Variants in MSRB3 observed in about 807,000 individuals in gnomAD.
The protein encoded by MSRB3 is methionine sulfoxide reductase B3.
In MSRB3, 13 loss-of-function variants were observed where a neutral mutation model predicts 21.0. The ratio of observed to expected loss-of-function variants is 0.62; its 90% CI spans 0.40 to 0.98. The LOEUF (loss-of-function observed/expected upper bound fraction) is 0.98, where lower values mean the gene tolerates loss of function less well. Among genes scored for constraint, MSRB3 ranks in the 50% least tolerant of loss-of-function variants. MSRB3 has a pLI of 0.00. For synonymous variants in MSRB3, 87 were observed against 88.6 expected, an observed-to-expected ratio of 0.98 and a Z score of 0.10; for missense variants, 199 against 230.3, an observed-to-expected ratio of 0.86 and a Z score of 0.88.
chr12:65,324,612 C>T (rs539149829), intron 2 of MSRB3, among the ~76,000 whole-genome samples: 10 of 152,182 alleles, frequency 6.6e-5, no homozygotes, highest in African/African-American at 7.2e-5. Flanking sequence ...TACTGACCAA[C>T]GGTTTTATTC....
At position 65,428,246 on chromosome 12, in the gene MSRB3, T is replaced by C. The variant is rs546197696; in HGVS notation, c.293-25482T>C. On this transcript the variant is annotated intron_variant, in intron 5 of 6. Coordinates refer to ENST00000308259, the MANE Select transcript of MSRB3 (RefSeq NM_001031679.3). ...AGACAACCTCTGCTATTCTTCTTTGTTCTGGGCAATATCCTGGCATCTCAG... is the reference window on the plus strand; with the variant it reads ...AGACAACCTCTGCTATTCTTCTTTGCTCTGGGCAATATCCTGGCATCTCAG... 1.1e-4 allele frequency among the ~76,000 whole-genome samples: 17 copies of C among 152,322 alleles called. No homozygotes were observed. In the East Asian group the frequency reaches 3.3e-3, roughly 29 times the overall value.
chr12:65,463,809 G>C lies in MSRB3; in HGVS notation c.*487G>C, dbSNP rs1298326133. On this transcript the variant is annotated 3_prime_UTR_variant, in exon 7 of 7. Coordinates refer to ENST00000308259, the MANE Select transcript of MSRB3 (RefSeq NM_001031679.3). ...TGTTTTAATGAGACTGTTCAGCTTT[G>C]TGGAAAGTTTGAGCTAAGGTCATTT... 1 of 155,424 alleles carries C rather than the reference G, an allele frequency of 6.4e-6. No individual in the cohort carries two copies. The highest frequency in any genetic ancestry group is 2.5e-5 in the African/African-American group (1 of 40,136). 9.6% of individuals were successfully genotyped at this position (155,424 alleles called of 1,614,324 possible).
intron 5 of MSRB3, among the ~76,000 whole-genome samples, chr12:65,449,286 C>T (rs760027112): frequency 5.9e-5 from 9 of 151,754 alleles, no homozygotes; most frequent in Non-Finnish European, 1.0e-4. Context: ...ATCCACCCCC[C>T]CAGAGTGAAT....
intron 4 of MSRB3, among the ~76,000 whole-genome samples, chr12:65,366,814 T>G (rs1198981063): frequency 1.3e-5 from 2 of 152,172 alleles, no homozygotes; most frequent in African/African-American, 4.8e-5. Flanking sequence ...TAGGCCCCAC[T>G]TACTGAATCA....
chr12:65,354,419 G>A (rs557581722), intron 4 of MSRB3, among the ~76,000 whole-genome samples: 9 of 151,952 alleles, frequency 5.9e-5, no homozygotes, highest in East Asian at 1.9e-4. Flanking sequence ...GGCTTTGTTC[G>A]TTTCTTTTTA....
chr12:65,359,915 A>G (rs190231868), intron 4 of MSRB3, among the ~76,000 whole-genome samples: 3 of 152,182 alleles, frequency 2.0e-5, no homozygotes, highest in Non-Finnish European at 2.9e-5. Flanking sequence ...GACTGCCATA[A>G]CAAAGTATCA....
At chr12:65,297,833 T>TTGGAGGCAGA (rs1565820138) in intron 1 of MSRB3, among the ~76,000 whole-genome samples, 1 of 152,000 alleles carries the variant, frequency 6.6e-6, no homozygotes, top group Non-Finnish European at 1.5e-5. Flanking sequence ...GAAAGACCAA[T>TTGGAGGCAGA]AAGAGGCCAT....
In MSRB3 at chr12:65,278,817, C is replaced by CTCTGCG. The variant is rs1565810968; in HGVS notation, c.-95_-94insGTCTGC. The CTCTGCG allele has an allele frequency of 1.3e-6, 2 of 1,565,258 alleles. No homozygotes were observed. The highest frequency in any genetic ancestry group is 4.7e-5 in the East Asian group (2 of 42,174). ...GCGCCCCCTCTCGCTCTGCCTCTCC[C>CTCTGCG]TCTGCCTCTGCCTCTGCCTGGCCGC... On this transcript the variant is annotated 5_prime_UTR_variant, in exon 1 of 7. Transcript: ENST00000308259.
chr12:65,301,963 AT>A (rs1269126502), intron 1 of MSRB3, among the ~76,000 whole-genome samples: 1 of 152,066 alleles, frequency 6.6e-6, no homozygotes, highest in East Asian at 1.9e-4. Context: ...TTATACATAT[AT>A]TTTTATTTTG....
At chr12:65,400,610 T>C (rs1880073417) in intron 5 of MSRB3, among the ~76,000 whole-genome samples, 1 of 152,228 alleles carries the variant, frequency 6.6e-6, no homozygotes, top group Non-Finnish European at 1.5e-5. Flanking sequence ...CTTTATCTCC[T>C]TCAGTTCTGC....
chr12:65,435,367 G>A (rs902165176), intron 5 of MSRB3, among the ~76,000 whole-genome samples: 5 of 151,846 alleles, frequency 3.3e-5, no homozygotes, highest in South Asian at 4.1e-4. Flanking sequence ...GCCAGGCTAC[G>A]TAATCCTAGT....
chr12:65,341,774 C>T (rs1436139249), intron 4 of MSRB3, among the ~76,000 whole-genome samples: 1 of 151,774 alleles, frequency 6.6e-6, no homozygotes, highest in Non-Finnish European at 1.5e-5. Flanking sequence ...ATATGTTGAA[C>T]AAGTAACATG....
intron 5 of MSRB3, among the ~76,000 whole-genome samples, chr12:65,406,843 A>G (rs1880440250): frequency 6.6e-6 from 1 of 152,150 alleles, no homozygotes; most frequent in Admixed American, 6.5e-5. Context: ...ATTAGAGGGA[A>G]CTAGCTAGGT....
At chr12:65,438,897 A>G (rs912888857) in intron 5 of MSRB3, among the ~76,000 whole-genome samples, 3 of 151,868 alleles carry the variant, frequency 2.0e-5, no homozygotes, top group Non-Finnish European at 4.4e-5. Flanking sequence ...TGAATAGCAG[A>G]AAAAGGGGGA....
intron 5 of MSRB3, among the ~76,000 whole-genome samples, chr12:65,414,913 T>G (rs1042124445): frequency 6.6e-6 from 1 of 151,944 alleles, no homozygotes; most frequent in African/African-American, 2.4e-5. Context: ...AATTTAGAGG[T>G]GCTTATAAGT....
rs975706096 is a variant in MSRB3 at position 65,373,773 on chromosome 12, G to T, written c.292+4747G>T. 3.9e-5 allele frequency among the ~76,000 whole-genome samples: 6 copies of T among 152,262 alleles called. No individual in the cohort carries two copies. The East Asian group carries it at 9.6e-4, about 24-fold the overall frequency. On this transcript the variant is annotated intron_variant, in intron 5 of 6. Transcript: ENST00000308259. ...TGTAGAAGGTTAGGAGATCCTAAAA[G>T]ACATGATTATAAAAGGCACAACAGA...
At chr12:65,430,191 T>G (rs1881809667) in intron 5 of MSRB3, among the ~76,000 whole-genome samples, 1 of 152,186 alleles carries the variant, frequency 6.6e-6, no homozygotes. Context: ...GCTGCTGCTG[T>G]TCACAACACT....
chr12:65,378,186 G>C (rs577445449), intron 5 of MSRB3, among the ~76,000 whole-genome samples: 2 of 152,160 alleles, frequency 1.3e-5, no homozygotes, highest in East Asian at 3.9e-4. Context: ...AATATCCCTG[G>C]ATAGTTTTTG....
At chr12:65,369,966 A>G (rs1878227666) in intron 5 of MSRB3, among the ~76,000 whole-genome samples, 1 of 152,172 alleles carries the variant, frequency 6.6e-6, no homozygotes, top group African/African-American at 2.4e-5. Context: ...TGTTAAGGAG[A>G]CAACACACTT....
Sources: allele counts gnomAD v4.1 joint callset (sites outside exome capture counted in the v4.1 genomes callset), GRCh38; gene constraint gnomAD v4.1.1; transcripts MANE v1.5; gene names NCBI Gene and HGNC (gene_info 2026-07-23, HGNC 2026-07-21).